Variants in PPM1E observed in about 807,000 individuals in gnomAD.
PPM1E encodes protein phosphatase 1E.
A neutral mutation model predicts 65.9 loss-of-function variants in PPM1E; 20 were observed. The observed-to-expected ratio is 0.30, with a 90% confidence interval of 0.21 to 0.44. PPM1E has a LOEUF of 0.44. Ranked by LOEUF, PPM1E falls within the 20% of genes least tolerant of loss-of-function variation. The probability of loss-of-function intolerance (pLI) is 1.00; values close to 1 mark genes in which losing one functional copy is unlikely to be tolerated. For missense variants in PPM1E, 713 were observed against 953.1 expected, an observed-to-expected ratio of 0.75 and a Z score of 3.32; for synonymous variants, 352 against 374.9, an observed-to-expected ratio of 0.94 and a Z score of 0.70.
intron 1 of PPM1E, among the ~76,000 whole-genome samples, chr17:58,798,502 C>T (rs9900333): frequency 3.4e-5 from 5 of 147,420 alleles, no homozygotes; most frequent in Admixed American, 6.8e-5. Flanking sequence ...GGATTACAGG[C>T]GTGATCCACC....
chr17:58,846,277 A>T (rs2050770483), intron 1 of PPM1E, among the ~76,000 whole-genome samples: 1 of 151,792 alleles, frequency 6.6e-6, no homozygotes. Flanking sequence ...TTTCTTTTTT[A>T]TTATTATTAT....
intron 1 of PPM1E, among the ~76,000 whole-genome samples, chr17:58,805,960 ACAAAAAAAAAAAAC>A (rs1567838740): frequency 2.8e-5 from 3 of 105,488 alleles, no homozygotes; most frequent in African/African-American, 8.0e-5. Flanking sequence ...AAAAAAAAAA[ACAAAAAAAAAAAAC>A]AAAAAAAAAA....
intron 1 of PPM1E, among the ~76,000 whole-genome samples, chr17:58,927,454 A>G (rs906666633): frequency 2.6e-5 from 4 of 151,984 alleles, no homozygotes; most frequent in African/African-American, 9.7e-5. Context: ...TTAACTAGCG[A>G]TATAATATTT....
At chr17:58,938,868 A>G (rs1362354821) in intron 1 of PPM1E, among the ~76,000 whole-genome samples, 3 of 144,262 alleles carry the variant, frequency 2.1e-5, no homozygotes, top group Non-Finnish European at 4.5e-5. Flanking sequence ...GACTCACTGC[A>G]ACCTCCACCT....
At chr17:58,975,560 G>A (rs1346084063) in intron 6 of PPM1E, among the ~76,000 whole-genome samples, 3 of 152,156 alleles carry the variant, frequency 2.0e-5, no homozygotes, top group Admixed American at 6.5e-5. Flanking sequence ...GGAGGATAAT[G>A]TGCTGGGAAG....
intron 1 of PPM1E, among the ~76,000 whole-genome samples, chr17:58,805,984 AC>A (rs1198979867): frequency 0.045 from 4,448 of 98,836 alleles, 427 homozygotes; most frequent in African/African-American, 0.053. Flanking sequence ...CAAAAAAAAA[AC>A]AAAACAAAAC....
chr17:58,960,959 A>AT (rs1598680569), intron 2 of PPM1E, among the ~76,000 whole-genome samples: 1 of 152,036 alleles, frequency 6.6e-6, no homozygotes, highest in African/African-American at 2.4e-5. Flanking sequence ...AACGATATAT[A>AT]TTTTTTCCAA....
chr17:58,859,923 ACTCAATTTT>A (rs1262401519), intron 1 of PPM1E, among the ~76,000 whole-genome samples: 2 of 152,136 alleles, frequency 1.3e-5, no homozygotes. Flanking sequence ...TAGACATAAG[ACTCAATTTT>A]TATGATAGCT....
Position 58,813,252 on chromosome 17 carries a change from A to C in PPM1E, c.464+56791A>C, listed in dbSNP as rs544026070. 4.6e-5 allele frequency among the ~76,000 whole-genome samples: 7 copies of C among 152,202 alleles called. No homozygotes were observed. The South Asian group carries it at 8.3e-4, about 18-fold the overall frequency. ...TATAAATTTCCAGCTTGTTTAAAAC[A>C]TTTTTGCCTTGGCTACCTTGTACAA... is the stretch of plus-strand genomic sequence containing the variant. On this transcript the variant is annotated intron_variant, in intron 1 of 6. Coordinates refer to ENST00000308249, the MANE Select transcript of PPM1E (RefSeq NM_014906.5).
At chr17:58,909,583 T>G (rs1446271921) in intron 1 of PPM1E, among the ~76,000 whole-genome samples, 1 of 152,140 alleles carries the variant, frequency 6.6e-6, no homozygotes, top group Non-Finnish European at 1.5e-5. Context: ...GGGTACAGAA[T>G]TCTAGGTGGG....
At chr17:58,923,001 TAGGGCC>T (rs1348968889) in intron 1 of PPM1E, among the ~76,000 whole-genome samples, 1 of 152,146 alleles carries the variant, frequency 6.6e-6, no homozygotes, top group East Asian at 1.9e-4. Flanking sequence ...TGAAAAATAT[TAGGGCC>T]AGGTGTGATA....
intron 1 of PPM1E, among the ~76,000 whole-genome samples, chr17:58,844,132 C>A (rs769161723): frequency 2.0e-5 from 3 of 152,038 alleles, no homozygotes; most frequent in Non-Finnish European, 4.4e-5. Context: ...TACTGAAGGA[C>A]TGTAGGTCCT....
At position 58,969,604 on chromosome 17, in the gene PPM1E, T is replaced by C; in HGVS notation, c.849T>C (p.Tyr283=). 1 of 1,614,186 alleles carries C rather than the reference T, an allele frequency of 6.2e-7. No individual in the cohort carries two copies. Among genetic ancestry groups the C allele is most frequent in the Non-Finnish European group, 8.5e-7 (1 of 1,180,020 alleles). The change falls in exon 4 of 7, where the codon TAT becomes TAC. Residue 283 remains tyrosine (Y), a synonymous_variant. Transcript: ENST00000308249. ...DGHGGVDAAI[Y]ASIHLHVNLV... Reference sequence around the variant, plus strand: ...ATGGGGGAGTAGATGCTGCTATTTATGCCTCCATTCACCTCCACGTTAACT... The same window carrying C: ...ATGGGGGAGTAGATGCTGCTATTTACGCCTCCATTCACCTCCACGTTAACT...
intron 1 of PPM1E, among the ~76,000 whole-genome samples, chr17:58,789,007 C>T (rs1026788639): frequency 6.6e-6 from 1 of 152,158 alleles, no homozygotes; most frequent in Non-Finnish European, 1.5e-5. Context: ...GTTACACTGC[C>T]TTCAGATCCT....
At chr17:58,900,379 A>G (rs999059266) in intron 1 of PPM1E, among the ~76,000 whole-genome samples, 1 of 152,228 alleles carries the variant, frequency 6.6e-6, no homozygotes, top group Non-Finnish European at 1.5e-5. Context: ...CACCTTGATC[A>G]GTCAGCAGCC....
chr17:58,964,260 T>C (rs2143668872), intron 2 of PPM1E, among the ~76,000 whole-genome samples: 1 of 152,252 alleles, frequency 6.6e-6, no homozygotes, highest in Admixed American at 6.5e-5. Flanking sequence ...TTTTTTTTTT[T>C]CACCTGAGAT....
chr17:58,900,065 T>C (rs959864055), intron 1 of PPM1E, among the ~76,000 whole-genome samples: 1 of 151,814 alleles, frequency 6.6e-6, no homozygotes, highest in African/African-American at 2.4e-5. Flanking sequence ...TTGCTTCTTA[T>C]GGATGAGCAA....
At chr17:58,972,299 A>G (rs759433870) in intron 5 of PPM1E, 24 bp downstream of exon 5, 5 of 1,596,956 alleles carry the variant, frequency 3.1e-6, no homozygotes, top group African/African-American at 2.7e-5. Context: ...GTTTTAATAG[A>G]GCCCATGCTC....
chr17:58,765,179 CTTTT>C (rs11298918), intron 1 of PPM1E, among the ~76,000 whole-genome samples: 13 of 132,138 alleles, frequency 9.8e-5, no homozygotes, highest in Admixed American at 3.8e-4. Context: ...TTCTTTCTTT[CTTTT>C]TTTTTTTTTT....
Sources: gnomAD v4.1 joint callset for allele counts (sites outside exome capture counted in the v4.1 genomes callset) on GRCh38, gnomAD v4.1.1 for gene constraint, MANE v1.5 for transcripts, NCBI Gene and HGNC (gene_info 2026-07-23, HGNC 2026-07-21) for gene names.